The following PWWP2B variants were observed in gnomAD, a reference collection of about 807,000 sequenced individuals.
The protein encoded by PWWP2B is PWWP domain-containing protein 2B.
In PWWP2B, 9 loss-of-function variants were observed where a neutral mutation model predicts 15.5. The ratio of observed to expected loss-of-function variants is 0.58; its 90% CI spans 0.35 to 1.02. The LOEUF (loss-of-function observed/expected upper bound fraction) is 1.02. PWWP2B is among the 50% of genes least tolerant of loss of function. The pLI is 0.02. For synonymous variants in PWWP2B, 474 were observed against 403.6 expected (o/e 1.17, Z -2.09); for missense variants, 864 against 865.3 (o/e 1.00, Z 0.02).
In PWWP2B at chr10:132,405,285, G is replaced by T; in HGVS notation, c.785G>T (p.Gly262Val). ...AAGATCTCCTACAGCACGCCCCAGG[G>T]CAAGGGAGAGGTGGTCAAGATCCCC... Reference protein sequence around the residue: ...VIKISYSTPQGKGEVVKIPSR... With the variant: ...VIKISYSTPQVKGEVVKIPSR... The change falls in exon 2 of 3, where the codon GGC becomes GTC. Residue 262 changes from glycine to valine, a missense_variant. By Grantham distance (109) the Gly-to-Val change is moderately radical. This residue lies in a region of PWWP2B where 736 missense variants were observed against 687.7 expected (regional missense o/e 1.07). Coordinates refer to ENST00000305233, the MANE Select transcript of PWWP2B (RefSeq NM_138499.4). The T allele has an allele frequency of 6.2e-7, 1 of 1,611,998 alleles. No homozygotes were observed. Among genetic ancestry groups the T allele is most frequent in the South Asian group, 1.1e-5 (1 of 91,046 alleles).
In PWWP2B at chr10:132,417,289, C is replaced by T; in HGVS notation, c.*245C>T. On this transcript the variant is annotated 3_prime_UTR_variant, in exon 3 of 3. Coordinates refer to ENST00000305233, the MANE Select transcript of PWWP2B (RefSeq NM_138499.4). ...ACCACTCAGCGCATGGCTGCCCTGG[C>T]TCACGAGGCAGTCGGGACTCGTGAC... 3.4e-6 allele frequency: 2 copies of T among 585,692 alleles called. No individual in the cohort carries two copies. The highest frequency in any genetic ancestry group is 4.2e-5 in the South Asian group (2 of 48,094). The allele number at this position is 585,692 out of a possible 1,614,324, so 36.3% of individuals were successfully genotyped here. A position where few individuals can be genotyped will look rare whatever the true frequency, so the allele number is the denominator to read the frequency against.
chr10:132,411,419 T>C (rs368325535), intron 2 of PWWP2B, among the ~76,000 whole-genome samples: 253 of 152,350 alleles, frequency 1.7e-3, no homozygotes, highest in African/African-American at 4.7e-3. Context: ...CCCGGTCTCA[T>C]TCACTCCACA....
At chr10:132,411,892 C>T (rs564645903) in intron 2 of PWWP2B, among the ~76,000 whole-genome samples, 1 of 152,368 alleles carries the variant, frequency 6.6e-6, no homozygotes, top group Admixed American at 6.5e-5. Context: ...AAACGCTCTT[C>T]TGCTTCTGAG....
chr10:132,415,645 T>TCACACA lies in PWWP2B; in HGVS notation c.*17-1411_*17-1406dup, dbSNP rs35691596. On this transcript the variant is annotated intron_variant, in intron 2 of 2. Coordinates refer to ENST00000305233, the MANE Select transcript of PWWP2B (RefSeq NM_138499.4). ...ATCACACATCCACTCACACACCCACTCACACACACATGCACTCACACACTC... is the reference window on the plus strand; with the variant it reads ...ATCACACATCCACTCACACACCCACTCACACACACACACACATGCACTCACACACTC... Among the ~76,000 whole-genome samples the TCACACA allele has an allele frequency of 4.4e-4, 54 of 123,870 alleles. 1 individual carries two copies. The highest frequency in any genetic ancestry group is 4.0e-3 in the Middle Eastern group (1 of 250). 81.3% of individuals were successfully genotyped at this position (123,870 alleles called of 152,430 possible).
At chr10:132,400,121 T>C (rs968858365) in intron 1 of PWWP2B, among the ~76,000 whole-genome samples, 1 of 152,134 alleles carries the variant, frequency 6.6e-6, no homozygotes, top group Non-Finnish European at 1.5e-5. Context: ...TGGGGGCTGC[T>C]CTTGGGATGA....
intron 2 of PWWP2B, among the ~76,000 whole-genome samples, chr10:132,408,384 C>T (rs780399549): frequency 1.3e-5 from 2 of 152,314 alleles, no homozygotes; most frequent in African/African-American, 2.4e-5. Context: ...AGGGGAAATG[C>T]GGGGGTACCT....
At chr10:132,411,431 C>A (rs998024887) in intron 2 of PWWP2B, among the ~76,000 whole-genome samples, 2 of 152,266 alleles carry the variant, frequency 1.3e-5, no homozygotes, top group Non-Finnish European at 2.9e-5. Context: ...CACTCCACAT[C>A]CCCAGCGGTT....
In PWWP2B at chr10:132,406,387, C is replaced by T. The variant is rs550364851; in HGVS notation, c.*16+98C>T. 15 of 1,072,534 alleles carry T rather than the reference C, an allele frequency of 1.4e-5. No individual in the cohort carries two copies. The African/African-American group carries it at 1.8e-4, about 13-fold the overall frequency. The allele number at this position is 1,072,534 out of a possible 1,614,324, so 66.4% of individuals were successfully genotyped here. ...CTCCGGGCCCTGAGGCCCAGGGAGCCGCCGCCTGTGCCCCTCAGCTGGCTT... is the reference window on the plus strand; with the variant it reads ...CTCCGGGCCCTGAGGCCCAGGGAGCTGCCGCCTGTGCCCCTCAGCTGGCTT... On this transcript the variant is annotated intron_variant, in intron 2 of 2. Coordinates refer to ENST00000305233, the MANE Select transcript of PWWP2B (RefSeq NM_138499.4).
In PWWP2B at chr10:132,404,864, G is replaced by T; in HGVS notation, c.364G>T (p.Glu122Ter). 6.3e-7 allele frequency: 1 copy of T among 1,585,094 alleles called. No homozygotes were observed. The highest frequency in any genetic ancestry group is 8.5e-7 in the Non-Finnish European group (1 of 1,173,762). ...GSLPPYPPYF[E>*]GAPFPHPLWL... ...CCTGCCCCCGTACCCTCCCTACTTC[G>T]AAGGCGCCCCCTTCCCTCACCCGCT... Residue 122 changes from glutamate to a stop codon, truncating the protein, a stop_gained, in exon 2 of 3, where the codon GAA becomes TAA. Transcript: ENST00000305233. LOFTEE classifies it high-confidence loss of function.
intron 1 of PWWP2B, 44 bp downstream of exon 1, chr10:132,397,395 G>A: frequency 8.5e-7 from 1 of 1,180,948 alleles, no homozygotes; most frequent in African/African-American, 1.6e-5. Context: ...GTCCCCACGC[G>A]ACACCCGCCT....
At position 132,404,789 on chromosome 10, in the gene PWWP2B, A is replaced by ACCCCCCCCCCCCCCCCCCC; in HGVS notation, c.292_293insCCCCCCCCCCCCCCCCCCC (p.Arg98ProfsTer88). On this transcript the variant is annotated frameshift_variant, in exon 2 of 3. Coordinates refer to ENST00000305233, the MANE Select transcript of PWWP2B (RefSeq NM_138499.4). LOFTEE classifies it high-confidence loss of function. ...CCGCGGGGTTCAGCCCCCCGAGACC[A>ACCCCCCCCCCCCCCCCCCC]CCCGCCCCGAGCCACCCCCGCCCCT... is the stretch of plus-strand genomic sequence containing the variant. The ACCCCCCCCCCCCCCCCCCC allele has an allele frequency of 1.5e-6, 2 of 1,300,690 alleles. No homozygotes were observed. Among genetic ancestry groups the ACCCCCCCCCCCCCCCCCCC allele is most frequent in the Non-Finnish European group, 2.1e-6 (2 of 966,748 alleles). The allele number at this position is 1,300,690 out of a possible 1,614,324, so 80.6% of individuals were successfully genotyped here.
intron 2 of PWWP2B, among the ~76,000 whole-genome samples, chr10:132,407,858 G>C (rs1590762417): frequency 6.6e-6 from 1 of 152,218 alleles, no homozygotes; most frequent in Non-Finnish European, 1.5e-5. Context: ...AGGGGTAGGA[G>C]GAGGGTCAGA....
At chr10:132,408,089 G>A (rs1485248107) in intron 2 of PWWP2B, among the ~76,000 whole-genome samples, 1 of 152,238 alleles carries the variant, frequency 6.6e-6, no homozygotes, top group African/African-American at 2.4e-5. Flanking sequence ...AGACGGGTTT[G>A]CCTGCCTCCA....
intron 2 of PWWP2B, among the ~76,000 whole-genome samples, chr10:132,410,298 T>G (rs999208765): frequency 2.0e-5 from 3 of 148,080 alleles, no homozygotes; most frequent in African/African-American, 5.0e-5. Context: ...CAGAGGCGGG[T>G]CAGGCAGAGG....
Position 132,404,985 on chromosome 10 carries a change from G to T in PWWP2B, c.485G>T (p.Gly162Val). 1 of 1,572,358 alleles carries T rather than the reference G, an allele frequency of 6.4e-7. No homozygotes were observed. Among genetic ancestry groups the T allele is most frequent in the Non-Finnish European group, 8.6e-7 (1 of 1,166,850 alleles). Residue 162 changes from glycine (G) to valine (V), a missense_variant, in exon 2 of 3, where the codon GGG (glycine) becomes GTG (valine). Transcript: ENST00000305233. ...RRRLSRNRDPGRLILSTIRLR... is the reference protein window; with the variant it reads ...RRRLSRNRDPVRLILSTIRLR... Reference sequence around the variant, plus strand: ...CGTCTGTCCCGCAACCGCGACCCGGGGCGCCTCATCCTCAGCACCATCCGC... The same window carrying T: ...CGTCTGTCCCGCAACCGCGACCCGGTGCGCCTCATCCTCAGCACCATCCGC...
chr10:132,413,141 A>T (rs1313277295), intron 2 of PWWP2B, among the ~76,000 whole-genome samples: 1 of 152,152 alleles, frequency 6.6e-6, no homozygotes, highest in Non-Finnish European at 1.5e-5. Flanking sequence ...TTTGCAGTCA[A>T]CACAGCTAGG....
intron 1 of PWWP2B, among the ~76,000 whole-genome samples, chr10:132,401,348 G>A (rs35333452): frequency 0.23 from 34,568 of 152,028 alleles, 4,232 homozygotes; most frequent in East Asian, 0.36. Flanking sequence ...AGGATGTCGC[G>A]TGAGGCTTAT....
At position 132,405,722 on chromosome 10, in the gene PWWP2B, G is replaced by A. The variant is rs1231588406; in HGVS notation, c.1222G>A (p.Val408Ile). 24 of 1,610,806 alleles carry A rather than the reference G, an allele frequency of 1.5e-5. No individual in the cohort carries two copies. Among genetic ancestry groups the A allele is most frequent in the East Asian group, 1.1e-4 (5 of 44,896 alleles). ...PQGREGLAFL[V>I]SCPEGRADCA... is the part of the protein sequence containing the mutation. ...GGGACGCGAGGGCTTGGCTTTTCTC[G>A]TCAGCTGCCCTGAGGGGAGAGCGGA... Residue 408 changes from valine (V) to isoleucine (I), a missense_variant, in exon 2 of 3, where the codon GTC (valine) becomes ATC (isoleucine). Transcript: ENST00000305233.
intron 2 of PWWP2B, among the ~76,000 whole-genome samples, chr10:132,410,140 A>T (rs1428406453): frequency 6.6e-6 from 1 of 151,736 alleles, no homozygotes; most frequent in East Asian, 1.9e-4. Flanking sequence ...GAGGACAGGG[A>T]GAGTGACGGG....
Sources: allele counts gnomAD v4.1 joint callset (sites outside exome capture counted in the v4.1 genomes callset), GRCh38; gene constraint gnomAD v4.1.1; regional missense constraint gnomAD v4.1.1; transcripts MANE v1.5; gene names NCBI Gene and HGNC (gene_info 2026-07-23, HGNC 2026-07-21).